STRBP: variants seen among roughly 807,000 people sequenced by gnomAD.
The protein encoded by STRBP is spermatid perinuclear RNA-binding protein.
In STRBP, 13 loss-of-function variants were observed where a neutral mutation model predicts 80.1. The ratio of observed to expected loss-of-function variants is 0.16; its 90% CI spans 0.11 to 0.26. The LOEUF is 0.26. Ranked by LOEUF, STRBP falls within the 10% of genes least tolerant of loss-of-function variation. The probability of loss-of-function intolerance (pLI) is 1.00; values close to 1 mark genes in which losing one functional copy is unlikely to be tolerated. For synonymous variants in STRBP, 284 were observed against 291.2 expected (o/e 0.98, Z 0.25); for missense variants, 485 against 815.2 (o/e 0.59, Z 4.93).
intron 11 of STRBP, among the ~76,000 whole-genome samples, chr9:123,156,698 T>C (rs1048626168): frequency 1.9e-4 from 29 of 150,724 alleles, no homozygotes; most frequent in African/African-American, 6.6e-4. Flanking sequence ...AAAAAACCCC[T>C]TAATATTATT....
intron 11 of STRBP, among the ~76,000 whole-genome samples, chr9:123,157,292 A>G (rs1482962406): frequency 6.6e-6 from 1 of 152,154 alleles, no homozygotes; most frequent in Admixed American, 6.5e-5. Context: ...AAGATAATCA[A>G]ACTGATTAGT....
chr9:123,213,192 C>T (rs1384661484), intron 2 of STRBP, among the ~76,000 whole-genome samples: 1 of 152,160 alleles, frequency 6.6e-6, no homozygotes, highest in Non-Finnish European at 1.5e-5. Flanking sequence ...GGGAAGATTA[C>T]CCTTCCAACC....
intron 1 of STRBP, among the ~76,000 whole-genome samples, chr9:123,256,881 T>C (rs2041043475): frequency 6.6e-6 from 1 of 150,612 alleles, no homozygotes; most frequent in African/African-American, 2.4e-5. Flanking sequence ...ATGTAGACAG[T>C]GGCTCCAGCC....
intron 11 of STRBP, among the ~76,000 whole-genome samples, chr9:123,156,519 C>A (rs1354859721): frequency 6.6e-6 from 1 of 151,940 alleles, no homozygotes; most frequent in Non-Finnish European, 1.5e-5. Context: ...TGGGTAATAT[C>A]TGTCAATATT....
intron 18 of STRBP, among the ~76,000 whole-genome samples, chr9:123,127,133 T>C (rs1341450932): frequency 6.6e-6 from 1 of 152,224 alleles, no homozygotes; most frequent in African/African-American, 2.4e-5. Context: ...TTCTAGGATA[T>C]AAACTATTTT....
chr9:123,172,830 A>G (rs1335546563), intron 5 of STRBP, among the ~76,000 whole-genome samples: 1 of 152,210 alleles, frequency 6.6e-6, no homozygotes, highest in Non-Finnish European at 1.5e-5. Context: ...ATACAAATAA[A>G]AGAAACTAAA....
At chr9:123,259,023 T>C (rs2041100585) in intron 1 of STRBP, among the ~76,000 whole-genome samples, 1 of 149,738 alleles carries the variant, frequency 6.7e-6, no homozygotes, top group African/African-American at 2.4e-5. Flanking sequence ...AGGATCATTC[T>C]TGTTACTGTA....
At position 123,161,082 on chromosome 9, in the gene STRBP, G is replaced by C; in HGVS notation, c.536-14C>G. On this transcript the variant is annotated splice_polypyrimidine_tract_variant and intron_variant, in intron 6 of 18. Coordinates refer to ENST00000348403, the MANE Select transcript of STRBP (RefSeq NM_018387.5). ...TCGAAACATTTTCTAACAGTAAAAT[G>C]GGATAAAGAGAGACAAATACAATTT... 6.4e-7 allele frequency: 1 copy of C among 1,567,512 alleles called. No individual in the cohort carries two copies. Among genetic ancestry groups the C allele is most frequent in the East Asian group, 2.3e-5 (1 of 43,284 alleles).
chr9:123,160,243 A>C (rs531504247), intron 8 of STRBP, 124 bp downstream of exon 8: 1 of 540,612 alleles, frequency 1.8e-6, no homozygotes, highest in African/African-American at 1.9e-5. Flanking sequence ...TTTTCATGGC[A>C]AACATACATA....
intron 2 of STRBP, among the ~76,000 whole-genome samples, chr9:123,213,366 C>T (rs1299765685): frequency 1.3e-5 from 2 of 152,224 alleles, no homozygotes; most frequent in African/African-American, 4.8e-5. Flanking sequence ...CCACCAGGTT[C>T]GTTTTTCGAA....
intron 2 of STRBP, among the ~76,000 whole-genome samples, chr9:123,211,913 T>C (rs1041597190): frequency 6.6e-6 from 1 of 152,140 alleles, no homozygotes; most frequent in African/African-American, 2.4e-5. Flanking sequence ...AAAACTTCCA[T>C]AATCTATAGA....
intron 17 of STRBP, among the ~76,000 whole-genome samples, 171 bp from the exon 18 acceptor site, chr9:123,128,429 CTGCT>C (rs2035986377): frequency 6.6e-6 from 1 of 152,164 alleles, no homozygotes; most frequent in African/African-American, 2.4e-5. Context: ...CTCTGTGTGC[CTGCT>C]TAAGATGTGG....
intron 3 of STRBP, among the ~76,000 whole-genome samples, chr9:123,182,500 C>T (rs947515938): frequency 4.6e-5 from 7 of 151,924 alleles, no homozygotes; most frequent in South Asian, 2.1e-4. Context: ...AAGAAATGAG[C>T]GGAATGAGAG....
chr9:123,148,410 A>G (rs1423513007), intron 11 of STRBP, among the ~76,000 whole-genome samples: 2 of 152,214 alleles, frequency 1.3e-5, no homozygotes, highest in East Asian at 3.8e-4. Flanking sequence ...TCTGTTGCTT[A>G]TAAGTTACCC....
Position 123,125,778 on chromosome 9 carries a change from A to G in STRBP, c.1943-105T>C, listed in dbSNP as rs2035870958. On this transcript the variant is annotated intron_variant, in intron 18 of 18. Transcript: ENST00000348403. ...AGTAATTATCATTAACCTTTTCCAG[A>G]TCAGTCAGTCAACATGTATACCATT... is the stretch of plus-strand genomic sequence containing the variant. 6.9e-6 allele frequency: 6 copies of G among 871,134 alleles called. No individual in the cohort carries two copies. The Admixed American group carries it at 1.5e-4, about 22-fold the overall frequency. 54.0% of individuals were successfully genotyped at this position (871,134 alleles called of 1,614,324 possible).
chr9:123,197,406 A>G (rs1015114581), intron 2 of STRBP, among the ~76,000 whole-genome samples: 1 of 152,176 alleles, frequency 6.6e-6, no homozygotes, highest in Admixed American at 6.5e-5. Flanking sequence ...TGGACGAAAT[A>G]TAAAATGGTA....
intron 6 of STRBP, among the ~76,000 whole-genome samples, chr9:123,169,133 C>T (rs2037897434): frequency 6.6e-6 from 1 of 151,488 alleles, no homozygotes; most frequent in Non-Finnish European, 1.5e-5. Context: ...TGAGATTATA[C>T]AGCTATTAGA....
At chr9:123,249,662 ATC>A (rs1397234744) in intron 1 of STRBP, among the ~76,000 whole-genome samples, 24 of 152,170 alleles carry the variant, frequency 1.6e-4, no homozygotes, top group Admixed American at 1.2e-3. Flanking sequence ...TATTTTTTAA[ATC>A]TGTTTTTAAA....
intron 2 of STRBP, among the ~76,000 whole-genome samples, chr9:123,196,894 CAAAAG>C (rs1454303415): frequency 2.0e-5 from 3 of 152,052 alleles, no homozygotes; most frequent in East Asian, 1.9e-4. Flanking sequence ...GGTATATACC[CAAAAG>C]AAAAGAAATC....
Sources: allele counts gnomAD v4.1 joint callset (sites outside exome capture counted in the v4.1 genomes callset), GRCh38; gene constraint gnomAD v4.1.1; transcripts MANE v1.5; gene names NCBI Gene and HGNC (gene_info 2026-07-23, HGNC 2026-07-21).